Variants in VTI1A observed in about 807,000 individuals in gnomAD.
The protein encoded by VTI1A is vesicle transport through interaction with t-SNAREs 1A.
In VTI1A, 22 loss-of-function variants were observed where a neutral mutation model predicts 34.9. The ratio of observed to expected loss-of-function variants is 0.63; its 90% CI spans 0.45 to 0.90. The LOEUF is 0.90. Ranked by LOEUF, VTI1A falls within the 40% of genes least tolerant of loss-of-function variation. The probability of loss-of-function intolerance (pLI) is 0.00; values close to 1 mark genes in which losing one functional copy is unlikely to be tolerated. For synonymous variants in VTI1A, 87 were observed against 97.3 expected, an observed-to-expected ratio of 0.89 and a Z score of 0.62; for missense variants, 268 against 275.6, an observed-to-expected ratio of 0.97 and a Z score of 0.20.
chr10:112,645,331 G>T lies in VTI1A; in HGVS notation c.428-22887G>T, dbSNP rs145254678. ...TCTTAACCCAGTTACTCATTATGGG[G>T]TGTAAATGGGTATATATTTGGTATT... On this transcript the variant is annotated intron_variant, in intron 5 of 7. Coordinates refer to ENST00000393077, the MANE Select transcript of VTI1A (RefSeq NM_145206.4). Among the ~76,000 whole-genome samples, 397 of 152,266 alleles carry T rather than the reference G, an allele frequency of 2.6e-3. 4 individuals are homozygous for T. The highest frequency in any genetic ancestry group is 8.7e-3 in the African/African-American group (362 of 41,544).
chr10:112,464,744 T>C, intron 3 of VTI1A, 87 bp downstream of exon 3: 1 of 1,135,470 alleles, frequency 8.8e-7, no homozygotes, highest in Non-Finnish European at 1.3e-6. Context: ...ATGCACAGTC[T>C]TTTGGGCTCA....
intron 5 of VTI1A, among the ~76,000 whole-genome samples, chr10:112,642,732 C>T (rs1590015590): frequency 6.6e-6 from 1 of 152,128 alleles, no homozygotes; most frequent in South Asian, 2.1e-4. Flanking sequence ...AATGGGGAGA[C>T]AGGCATGACC....
At chr10:112,855,108 G>C in the VTI1A span, among the ~76,000 whole-genome samples, 5 of 152,020 alleles carry the variant, frequency 3.3e-5, no homozygotes, top group Non-Finnish European at 5.9e-5. Context: ...TGGGAAGCTC[G>C]ACCTGGGATG....
At chr10:112,496,194 C>T (rs1185854940) in intron 3 of VTI1A, among the ~76,000 whole-genome samples, 2 of 121,076 alleles carry the variant, frequency 1.7e-5, no homozygotes, top group African/African-American at 3.2e-5. Flanking sequence ...GACCCCCCCC[C>T]CCCCCCCGCC....
chr10:112,791,523 GA>G (rs1447074061), intron 7 of VTI1A, among the ~76,000 whole-genome samples: 7 of 152,136 alleles, frequency 4.6e-5, no homozygotes, highest in African/African-American at 1.7e-4. Flanking sequence ...AAAAATCCCA[GA>G]AAGTGTTGAA....
intron 1 of VTI1A, among the ~76,000 whole-genome samples, chr10:112,457,401 T>C (rs1847572253): frequency 6.6e-6 from 1 of 152,230 alleles, no homozygotes; most frequent in South Asian, 2.1e-4. Context: ...GAGACATGGT[T>C]CTTGTCTTCC....
chr10:112,743,009 T>G (rs1414452301), intron 7 of VTI1A, among the ~76,000 whole-genome samples: 1 of 141,964 alleles, frequency 7.0e-6, no homozygotes, highest in Admixed American at 7.4e-5. Context: ...CTGGGACCTA[T>G]TCTCGTGTGT....
At chr10:112,688,100 T>G (rs184795529) in intron 7 of VTI1A, among the ~76,000 whole-genome samples, 2 of 151,472 alleles carry the variant, frequency 1.3e-5, no homozygotes, top group East Asian at 3.9e-4. Flanking sequence ...ATTACAGATG[T>G]GCGCCACCAT....
intron 7 of VTI1A, among the ~76,000 whole-genome samples, chr10:112,814,022 T>C (rs1194409896): frequency 6.6e-6 from 1 of 152,190 alleles, no homozygotes; most frequent in Non-Finnish European, 1.5e-5. Flanking sequence ...TTCAACCGTT[T>C]AGGTTTGGAG....
intron 5 of VTI1A, among the ~76,000 whole-genome samples, chr10:112,659,383 G>T (rs61872389): frequency 1.3e-5 from 2 of 152,138 alleles, no homozygotes; most frequent in Non-Finnish European, 2.9e-5. Context: ...TCTCATTTTT[G>T]AATGGAGCTG....
At chr10:112,744,647 G>A (rs1488654523) in intron 7 of VTI1A, among the ~76,000 whole-genome samples, 5 of 151,862 alleles carry the variant, frequency 3.3e-5, no homozygotes, top group Non-Finnish European at 5.9e-5. Flanking sequence ...GTCTTGCTGC[G>A]TTGCCAGGGC....
intron 7 of VTI1A, among the ~76,000 whole-genome samples, chr10:112,685,217 A>G (rs1016716274): frequency 1.3e-5 from 2 of 152,302 alleles, no homozygotes; most frequent in South Asian, 2.1e-4. Flanking sequence ...TTTTTTAAAA[A>G]TCATGTCTTG....
intron 5 of VTI1A, among the ~76,000 whole-genome samples, chr10:112,653,391 G>T (rs1048082546): frequency 4.6e-5 from 7 of 152,162 alleles, no homozygotes; most frequent in Admixed American, 4.6e-4. Flanking sequence ...GTGTGTGTTT[G>T]TGCGAAGTAT....
intron 5 of VTI1A, among the ~76,000 whole-genome samples, chr10:112,629,960 A>G (rs1440674948): frequency 6.6e-6 from 1 of 152,222 alleles, no homozygotes; most frequent in Non-Finnish European, 1.5e-5. Flanking sequence ...CAGTATTTAA[A>G]AAAAATATGG....
At chr10:112,587,572 T>C (rs768663617) in intron 5 of VTI1A, among the ~76,000 whole-genome samples, 11 of 152,164 alleles carry the variant, frequency 7.2e-5, no homozygotes, top group Admixed American at 2.6e-4. Context: ...AAATTTGATA[T>C]CAAAAGGTAC....
chr10:112,836,131 G>T, the VTI1A span, among the ~76,000 whole-genome samples: 2 of 152,218 alleles, frequency 1.3e-5, no homozygotes, highest in Non-Finnish European at 2.9e-5. Flanking sequence ...CCCGGGTGAG[G>T]TTTCCAACAG....
At chr10:112,854,893 G>A in the VTI1A span, among the ~76,000 whole-genome samples, 4 of 152,168 alleles carry the variant, frequency 2.6e-5, no homozygotes, top group Non-Finnish European at 5.9e-5. Flanking sequence ...CCTGGAGATG[G>A]TACCAGCTGG....
chr10:112,667,316 C>T (rs144892132), intron 5 of VTI1A, among the ~76,000 whole-genome samples: 481 of 152,148 alleles, frequency 3.2e-3, no homozygotes, highest in Non-Finnish European at 4.5e-3. Context: ...AGAGAGGCAT[C>T]CTTCTAGTAT....
chr10:112,835,187 A>G, the VTI1A span, among the ~76,000 whole-genome samples: 4 of 152,116 alleles, frequency 2.6e-5, no homozygotes, highest in African/African-American at 9.7e-5. Flanking sequence ...TCTCTCATGG[A>G]TGGCAGCCAC....
Sources: allele counts gnomAD v4.1 joint callset (sites outside exome capture counted in the v4.1 genomes callset), GRCh38; gene constraint gnomAD v4.1.1; transcripts MANE v1.5; gene names NCBI Gene and HGNC (gene_info 2026-07-23, HGNC 2026-07-21).